STXBP5L: variants seen among roughly 807,000 people sequenced by gnomAD.
STXBP5L encodes syntaxin-binding protein 5-like.
A neutral mutation model predicts 144.5 loss-of-function variants in STXBP5L; 65 were observed. The observed-to-expected ratio is 0.45, with a 90% CI of 0.37 to 0.55. The LOEUF is 0.55. Among genes scored for constraint, STXBP5L ranks in the 20% least tolerant of loss-of-function variants. The probability of loss-of-function intolerance (pLI) is 0.00; values close to 1 mark genes in which losing one functional copy is unlikely to be tolerated. For missense variants in STXBP5L, 1,298 were observed against 1,405.5 expected, an observed-to-expected ratio of 0.92 and a Z score of 1.22; for synonymous variants, 505 against 469.6, an observed-to-expected ratio of 1.08 and a Z score of -0.97.
intron 10 of STXBP5L, among the ~76,000 whole-genome samples, chr3:121,209,084 C>G (rs1221961864): frequency 6.6e-6 from 1 of 152,158 alleles, no homozygotes; most frequent in African/African-American, 2.4e-5. Flanking sequence ...CATGTCCCTG[C>G]AAAGGACATG....
chr3:121,272,819 A>G (rs1387015610), intron 18 of STXBP5L, among the ~76,000 whole-genome samples: 1 of 152,042 alleles, frequency 6.6e-6, no homozygotes, highest in Non-Finnish European at 1.5e-5. Context: ...CTTACGTGGA[A>G]CATCTTATAC....
chr3:121,361,534 C>T lies in STXBP5L; in HGVS notation c.2177-17182C>T, dbSNP rs150459152. On this transcript the variant is annotated intron_variant, in intron 20 of 26. Transcript: ENST00000471454. ...GTATTTTAAATAGCCTGTCTTCAGG[C>T]TCACTAATTCTTTCTTCTGCTTGAT... Among the ~76,000 whole-genome samples, 711 of 152,008 alleles carry T rather than the reference C, an allele frequency of 4.7e-3. 5 individuals are homozygous for T. Among genetic ancestry groups the T allele is most frequent in the African/African-American group, 0.016 (671 of 41,464 alleles).
intron 9 of STXBP5L, among the ~76,000 whole-genome samples, chr3:121,181,991 T>C (rs1025575774): frequency 2.1e-4 from 32 of 150,810 alleles, no homozygotes; most frequent in Non-Finnish European, 1.9e-4. Context: ...TAAATATATA[T>C]GTACCTAACA....
chr3:121,070,781 C>G lies in STXBP5L; in HGVS notation c.470+25246C>G, dbSNP rs181370361. ...CTGAGATGTGCAGCTTGGCAGGCAT[C>G]AAAATATATGGAGACAGGCCTTTTA... On this transcript the variant is annotated intron_variant, in intron 5 of 26. Coordinates refer to ENST00000471454, the MANE Select transcript of STXBP5L (RefSeq NM_001308330.2). Among the ~76,000 whole-genome samples, 59 of 152,226 alleles carry G rather than the reference C, an allele frequency of 3.9e-4. No individual in the cohort carries two copies. The East Asian group carries it at 6.4e-3, about 16-fold the overall frequency.
rs1559742461 is a variant in STXBP5L, at chr3:121,098,538, C to G, written c.471-16387C>G. ...GGCAGAGAGATCTGCCTCCATGACC[C>G]AAACACTATACCCATTTCCAACATC... is the stretch of plus-strand genomic sequence containing the variant. On this transcript the variant is annotated intron_variant, in intron 5 of 26. Transcript: ENST00000471454. Among the ~76,000 whole-genome samples, 2 of 152,182 alleles carry G rather than the reference C, an allele frequency of 1.3e-5. 1 individual carries two copies. Among genetic ancestry groups the G allele is most frequent in the South Asian group, 4.1e-4 (2 of 4,828 alleles).
intron 9 of STXBP5L, among the ~76,000 whole-genome samples, chr3:121,197,788 T>C (rs1244207009): frequency 6.6e-6 from 1 of 152,160 alleles, no homozygotes; most frequent in Non-Finnish European, 1.5e-5. Context: ...GAATGATGGC[T>C]TCCAGCTTCA....
intron 5 of STXBP5L, among the ~76,000 whole-genome samples, chr3:121,087,509 A>C (rs1232357581): frequency 6.6e-6 from 1 of 151,974 alleles, no homozygotes; most frequent in African/African-American, 2.4e-5. Context: ...CTAGTGATTC[A>C]TGTTTGCACG....
At chr3:121,102,012 G>A (rs2043452061) in intron 5 of STXBP5L, among the ~76,000 whole-genome samples, 1 of 152,052 alleles carries the variant, frequency 6.6e-6, no homozygotes, top group Non-Finnish European at 1.5e-5. Flanking sequence ...CCCAAGATAT[G>A]AAATATCTCT....
At chr3:121,139,619 G>A (rs117389949) in intron 7 of STXBP5L, among the ~76,000 whole-genome samples, 8 of 151,988 alleles carry the variant, frequency 5.3e-5, no homozygotes, top group East Asian at 1.9e-4. Flanking sequence ...TTTTTATTCC[G>A]AGTTCTGAAT....
chr3:121,351,995 G>T (rs750791336), intron 20 of STXBP5L, among the ~76,000 whole-genome samples: 1 of 152,058 alleles, frequency 6.6e-6, no homozygotes, highest in Admixed American at 6.6e-5. Flanking sequence ...GATGATTGTA[G>T]ATGTGTAGTG....
chr3:121,056,742 A>G (rs1380563867), intron 5 of STXBP5L, among the ~76,000 whole-genome samples: 1 of 152,042 alleles, frequency 6.6e-6, no homozygotes, highest in Non-Finnish European at 1.5e-5. Context: ...TAAACAGTGT[A>G]ATTAATTTGT....
At chr3:121,067,802 T>A (rs2041618215) in intron 5 of STXBP5L, among the ~76,000 whole-genome samples, 2 of 152,310 alleles carry the variant, frequency 1.3e-5, no homozygotes, top group South Asian at 4.1e-4. Flanking sequence ...ATACATTTAT[T>A]TTCTGTATAT....
intron 3 of STXBP5L, among the ~76,000 whole-genome samples, chr3:121,021,093 GAC>G (rs1343092467): frequency 6.6e-6 from 1 of 151,708 alleles, no homozygotes; most frequent in Non-Finnish European, 1.5e-5. Context: ...CATGCAACTG[GAC>G]ACCAGAAGCA....
At position 120,932,894 on chromosome 3, in the gene STXBP5L, G is replaced by A. The variant is rs1576440070; in HGVS notation, c.190-22046G>A. ...AAAAAATGATGAGTTCATGTCCTTTGTAGGGACATGGATGAAGCTGGAAAC... is the reference window on the plus strand; with the variant it reads ...AAAAAATGATGAGTTCATGTCCTTTATAGGGACATGGATGAAGCTGGAAAC... On this transcript the variant is annotated intron_variant, in intron 2 of 26. Transcript: ENST00000471454. Among the ~76,000 whole-genome samples the A allele has an allele frequency of 2.6e-5, 4 of 152,178 alleles. No individual in the cohort carries two copies. The South Asian group carries it at 8.3e-4, about 32-fold the overall frequency.
intron 2 of STXBP5L, among the ~76,000 whole-genome samples, chr3:120,919,730 A>T (rs181532542): frequency 6.6e-6 from 1 of 152,038 alleles, no homozygotes; most frequent in African/African-American, 2.4e-5. Context: ...TCTAAACTAG[A>T]CTTTTTAATT....
intron 2 of STXBP5L, among the ~76,000 whole-genome samples, chr3:120,917,228 A>G (rs1709145948): frequency 6.6e-6 from 1 of 152,224 alleles, no homozygotes; most frequent in South Asian, 2.1e-4. Context: ...TGTCAGAGAC[A>G]AGTGAATTAG....
At chr3:120,981,263 G>A (rs1005333828) in intron 3 of STXBP5L, among the ~76,000 whole-genome samples, 1 of 152,032 alleles carries the variant, frequency 6.6e-6, no homozygotes, top group Non-Finnish European at 1.5e-5. Context: ...AGCAAAACCA[G>A]GGAAGTTTTC....
intron 3 of STXBP5L, among the ~76,000 whole-genome samples, chr3:121,019,776 C>G (rs1053912058): frequency 3.9e-5 from 6 of 152,280 alleles, no homozygotes; most frequent in Admixed American, 1.3e-4. Flanking sequence ...TGAACAGCAG[C>G]CCTTGAGTCC....
chr3:121,279,989 G>C, intron 19 of STXBP5L, 33 bp downstream of exon 19: 2 of 1,603,712 alleles, frequency 1.2e-6, no homozygotes, highest in East Asian at 2.2e-5. Flanking sequence ...TTATGAACTT[G>C]ATTTGGTCAT....
Sources: gnomAD v4.1 joint callset for allele counts (sites outside exome capture counted in the v4.1 genomes callset) on GRCh38, gnomAD v4.1.1 for gene constraint, MANE v1.5 for transcripts, NCBI Gene and HGNC (gene_info 2026-07-23, HGNC 2026-07-21) for gene names.